CTNNA3: variants seen among roughly 807,000 people sequenced by gnomAD.
CTNNA3 encodes the protein catenin alpha 3, also known as catenin alpha-3.
CTNNA3 carries 76 observed loss-of-function variants against 95.7 expected under a neutral mutation model. That is an observed-to-expected ratio of 0.79 (90% CI 0.66 to 0.96). CTNNA3 has a LOEUF of 0.96. Ranked by LOEUF, CTNNA3 falls within the 40% of genes least tolerant of loss-of-function variation. The pLI, the probability that CTNNA3 is intolerant of heterozygous loss-of-function variation, is 0.00. For missense variants in CTNNA3, 1,191 were observed against 1,089.8 expected, an observed-to-expected ratio of 1.09 and a Z score of -1.31; for synonymous variants, 431 against 374.4, an observed-to-expected ratio of 1.15 and a Z score of -1.74.
chr10:66,627,203 A>T (rs2394217), intron 9 of CTNNA3, among the ~76,000 whole-genome samples: 1 of 151,988 alleles, frequency 6.6e-6, no homozygotes, highest in East Asian at 1.9e-4. Context: ...AAAATCAAGT[A>T]TAGGGGATAT....
chr10:66,390,693 G>GAAAAAA (rs2092927516), intron 11 of CTNNA3, among the ~76,000 whole-genome samples: 1 of 151,988 alleles, frequency 6.6e-6, no homozygotes, highest in Admixed American at 6.6e-5. Context: ...AAACTAAAAA[G>GAAAAAA]CAAATAGAAT....
intron 11 of CTNNA3, among the ~76,000 whole-genome samples, chr10:66,518,013 A>C (rs979356543): frequency 6.6e-6 from 1 of 152,130 alleles, no homozygotes; most frequent in Non-Finnish European, 1.5e-5. Flanking sequence ...ACATAGCTTA[A>C]CTGCTCCTAC....
chr10:67,226,832 A>T (rs1446769900), intron 5 of CTNNA3, among the ~76,000 whole-genome samples: 1 of 152,206 alleles, frequency 6.6e-6, no homozygotes, highest in East Asian at 1.9e-4. Flanking sequence ...AAGCAAAAAC[A>T]AAAAACCAAA....
chr10:67,492,892 G>A (rs1006885768), intron 5 of CTNNA3, among the ~76,000 whole-genome samples: 2 of 152,116 alleles, frequency 1.3e-5, no homozygotes, highest in African/African-American at 2.4e-5. Flanking sequence ...TCACAAGGAG[G>A]CAAATAAGCT....
At chr10:67,678,679 G>C (rs1253105346) in intron 1 of CTNNA3, among the ~76,000 whole-genome samples, 1 of 152,132 alleles carries the variant, frequency 6.6e-6, no homozygotes, top group Non-Finnish European at 1.5e-5. Flanking sequence ...CAGAGCCACA[G>C]ACTTTAAATG....
intron 12 of CTNNA3, among the ~76,000 whole-genome samples, chr10:66,345,508 C>A (rs1226987595): frequency 2.0e-5 from 3 of 151,992 alleles, no homozygotes; most frequent in Non-Finnish European, 4.4e-5. Context: ...CAGTTTGAAA[C>A]AATTTTCAAG....
At chr10:67,430,812 A>C (rs1589282327) in intron 5 of CTNNA3, among the ~76,000 whole-genome samples, 1 of 58,270 alleles carries the variant, frequency 1.7e-5, no homozygotes, top group South Asian at 6.4e-4. Flanking sequence ...GCATGACTCA[A>C]ACATAACTAC....
At chr10:67,557,898 G>A (rs1368433897) in intron 3 of CTNNA3, among the ~76,000 whole-genome samples, 1 of 152,060 alleles carries the variant, frequency 6.6e-6, no homozygotes, top group Non-Finnish European at 1.5e-5. Flanking sequence ...ACTCTGTCAG[G>A]GCTGCCCTAA....
At chr10:67,041,523 A>G (rs981667364) in intron 7 of CTNNA3, among the ~76,000 whole-genome samples, 4 of 152,124 alleles carry the variant, frequency 2.6e-5, no homozygotes, top group African/African-American at 9.7e-5. Context: ...TCCTTTCATG[A>G]AATAGTTTTC....
chr10:66,202,373 T>C (rs1157863210), intron 13 of CTNNA3, among the ~76,000 whole-genome samples: 1 of 152,222 alleles, frequency 6.6e-6, no homozygotes, highest in Non-Finnish European at 1.5e-5. Context: ...GTTAGAATCA[T>C]GTTCAAATAA....
At chr10:66,357,560 G>A (rs1406687319) in intron 12 of CTNNA3, among the ~76,000 whole-genome samples, 3 of 151,944 alleles carry the variant, frequency 2.0e-5, no homozygotes, top group Non-Finnish European at 2.9e-5. Context: ...TTTCCTATTG[G>A]AGTCTGCTAT....
chr10:67,589,735 C>A, intron 3 of CTNNA3, among the ~76,000 whole-genome samples: 1 of 152,028 alleles, frequency 6.6e-6, no homozygotes, highest in East Asian at 1.9e-4. Flanking sequence ...TAGTTGAAAG[C>A]AAAAGCTAAA....
intron 3 of CTNNA3, among the ~76,000 whole-genome samples, chr10:67,545,505 T>G (rs1244539192): frequency 1.3e-5 from 2 of 152,072 alleles, no homozygotes; most frequent in East Asian, 1.9e-4. Flanking sequence ...TGTAAAAATA[T>G]CTATTAATTC....
At chr10:66,469,747 T>C (rs1330601521) in intron 11 of CTNNA3, among the ~76,000 whole-genome samples, 2 of 151,684 alleles carry the variant, frequency 1.3e-5, no homozygotes. Context: ...TTAACTATGA[T>C]GATAGTAAAA....
intron 7 of CTNNA3, among the ~76,000 whole-genome samples, chr10:66,884,927 A>C (rs1023480007): frequency 1.3e-5 from 2 of 152,126 alleles, no homozygotes; most frequent in Admixed American, 6.6e-5. Flanking sequence ...GAGGGTCATA[A>C]GTTATTTACA....
At chr10:65,973,781 C>T (rs2078157116) in intron 16 of CTNNA3, among the ~76,000 whole-genome samples, 1 of 151,942 alleles carries the variant, frequency 6.6e-6, no homozygotes, top group South Asian at 2.1e-4. Context: ...TTTAAATGAC[C>T]AGATCTTCTG....
At chr10:66,379,562 A>C (rs961861724) in intron 11 of CTNNA3, among the ~76,000 whole-genome samples, 1 of 152,172 alleles carries the variant, frequency 6.6e-6, no homozygotes, top group African/African-American at 2.4e-5. Flanking sequence ...AACATGTTAC[A>C]TTTTTAAGAG....
intron 7 of CTNNA3, among the ~76,000 whole-genome samples, chr10:67,042,064 G>T (rs1056456167): frequency 3.9e-5 from 6 of 152,142 alleles, no homozygotes; most frequent in African/African-American, 1.4e-4. Context: ...ACAAAAAAAG[G>T]CCTATGTGGT....
chr10:67,589,037 G>A (rs1289632735), intron 3 of CTNNA3, among the ~76,000 whole-genome samples: 3 of 151,540 alleles, frequency 2.0e-5, no homozygotes, highest in Admixed American at 2.0e-4. Context: ...CCCACAAAAA[G>A]GTTTCAATAA....
Sources: allele counts gnomAD v4.1 joint callset (sites outside exome capture counted in the v4.1 genomes callset), GRCh38; gene constraint gnomAD v4.1.1; transcripts MANE v1.5; gene names NCBI Gene and HGNC (gene_info 2026-07-23, HGNC 2026-07-21).